METTL15: variants seen among roughly 807,000 people sequenced by gnomAD.
METTL15 encodes methyltransferase 15, mitochondrial 12S rRNA N4-cytidine.
Under a neutral mutation model 38.3 loss-of-function variants are expected in METTL15, and 34 were observed. The observed-to-expected ratio is 0.89, with a 90% confidence interval of 0.68 to 1.18. The LOEUF (loss-of-function observed/expected upper bound fraction) is 1.18. METTL15 is among the 50% of genes most tolerant of loss of function. The pLI is 0.00. For synonymous variants in METTL15, 162 were observed against 170.9 expected (o/e 0.95, Z 0.41); for missense variants, 438 against 498.4 (o/e 0.88, Z 1.15).
chr11:28,126,214 G>A (rs1440910742), intron 3 of METTL15, among the ~76,000 whole-genome samples: 1 of 151,990 alleles, frequency 6.6e-6, no homozygotes, highest in African/African-American at 2.4e-5. Flanking sequence ...GCCTTCCCTG[G>A]CCACCCTGTC....
chr11:28,186,280 A>G (rs933779329), intron 3 of METTL15, among the ~76,000 whole-genome samples: 7 of 151,304 alleles, frequency 4.6e-5, no homozygotes, highest in Admixed American at 1.3e-4. Context: ...GAATGAGAGA[A>G]TATTATAAGA....
chr11:28,259,721 C>T (rs1855122305), intron 4 of METTL15, among the ~76,000 whole-genome samples: 1 of 152,198 alleles, frequency 6.6e-6, no homozygotes, highest in Non-Finnish European at 1.5e-5. Flanking sequence ...TACCACGCCT[C>T]TACTGCAGGT....
At chr11:28,199,636 C>T (rs555279533) in intron 3 of METTL15, among the ~76,000 whole-genome samples, 3 of 152,066 alleles carry the variant, frequency 2.0e-5, no homozygotes, top group African/African-American at 7.2e-5. Flanking sequence ...GTGCCTATCT[C>T]TAATTGTGCT....
intron 3 of METTL15, among the ~76,000 whole-genome samples, chr11:28,156,246 A>G (rs2133731106): frequency 6.6e-6 from 1 of 152,304 alleles, no homozygotes; most frequent in African/African-American, 2.4e-5. Flanking sequence ...GTTGAGGAAG[A>G]AGTAGGAGTT....
chr11:28,278,959 TG>T (rs1456016939), intron 4 of METTL15, among the ~76,000 whole-genome samples: 1 of 152,154 alleles, frequency 6.6e-6, no homozygotes, highest in East Asian at 1.9e-4. Context: ...CTTGAGTAGC[TG>T]GGACCACAGG....
intron 6 of METTL15, among the ~76,000 whole-genome samples, chr11:28,461,287 T>A (rs986142660): frequency 6.6e-6 from 1 of 152,134 alleles, no homozygotes; most frequent in Non-Finnish European, 1.5e-5. Context: ...TGTATCAGTC[T>A]TCTTAGGAAA....
intron 3 of METTL15, among the ~76,000 whole-genome samples, chr11:28,115,392 G>T (rs1478331953): frequency 6.6e-6 from 1 of 151,740 alleles, no homozygotes; most frequent in Non-Finnish European, 1.5e-5. Flanking sequence ...CCGAGTAGCT[G>T]GGATTACAGG....
At chr11:28,451,461 T>G (rs1851119811) in intron 6 of METTL15, among the ~76,000 whole-genome samples, 1 of 151,880 alleles carries the variant, frequency 6.6e-6, no homozygotes, top group African/African-American at 2.4e-5. Flanking sequence ...GGCGGGCACC[T>G]GTAGTATCAG....
chr11:28,446,967 A>C (rs1851080691), intron 6 of METTL15, among the ~76,000 whole-genome samples: 1 of 152,154 alleles, frequency 6.6e-6, no homozygotes, highest in Non-Finnish European at 1.5e-5. Context: ...ATGGGATCAA[A>C]TATCTGTATT....
rs1353880038 is a variant in METTL15, at chr11:28,113,592, A to G, written c.258A>G (p.Pro86=). 1 of 1,609,450 alleles carries G rather than the reference A, an allele frequency of 6.2e-7. No individual in the cohort carries two copies. Among genetic ancestry groups the G allele is most frequent in the Admixed American group, 1.7e-5 (1 of 59,356 alleles). The stretch of plus-strand genomic sequence containing the variant: ...ATGAAGTTGTTCATTGTTTGTCACC[A>G]CAAAAAGGACAGGTGAGTTGAATTT... ...MVDEVVHCLS[P]QKGQIFLDMT... is the part of the protein sequence containing the mutation. Residue 86 remains proline, a synonymous_variant, in exon 3 of 7, where the codon CCA becomes CCG. Coordinates refer to ENST00000407364, the MANE Select transcript of METTL15 (RefSeq NM_001113528.2).
intron 4 of METTL15, among the ~76,000 whole-genome samples, chr11:28,283,102 C>G (rs1856118161): frequency 6.6e-6 from 1 of 152,068 alleles, no homozygotes; most frequent in African/African-American, 2.4e-5. Flanking sequence ...TTATTTAATA[C>G]TATTGGTTAG....
intron 6 of METTL15, among the ~76,000 whole-genome samples, chr11:28,435,746 G>C (rs1405470137): frequency 6.6e-6 from 1 of 152,112 alleles, no homozygotes; most frequent in East Asian, 1.9e-4. Flanking sequence ...TGATATAAAA[G>C]TCACACCTTT....
chr11:28,504,319 A>T (rs2133494379), intron 6 of METTL15, among the ~76,000 whole-genome samples: 1 of 152,284 alleles, frequency 6.6e-6, no homozygotes, highest in East Asian at 1.9e-4. Flanking sequence ...AACTTGAGCT[A>T]GTAGGGCTGG....
At chr11:28,204,538 T>G (rs988787927) in intron 3 of METTL15, among the ~76,000 whole-genome samples, 2 of 150,136 alleles carry the variant, frequency 1.3e-5, no homozygotes, top group African/African-American at 2.4e-5. Flanking sequence ...ACATCGATGC[T>G]TGGTAAACCA....
intron 5 of METTL15, among the ~76,000 whole-genome samples, chr11:28,408,067 A>G (rs1471494638): frequency 6.6e-6 from 1 of 152,130 alleles, no homozygotes; most frequent in African/African-American, 2.4e-5. Flanking sequence ...CAGAACACCA[A>G]ACACCACATT....
At chr11:28,372,127 C>A (rs1342098221) in intron 5 of METTL15, among the ~76,000 whole-genome samples, 1 of 151,892 alleles carries the variant, frequency 6.6e-6, no homozygotes, top group East Asian at 1.9e-4. Context: ...TGTGAATTGG[C>A]CATATATGGC....
At chr11:28,496,584 A>G (rs1170156946) in intron 6 of METTL15, among the ~76,000 whole-genome samples, 2 of 152,214 alleles carry the variant, frequency 1.3e-5, no homozygotes, top group Non-Finnish European at 2.9e-5. Flanking sequence ...TTATGGACAC[A>G]TGATCAGTGC....
chr11:28,140,786 T>C (rs987212536), intron 3 of METTL15, among the ~76,000 whole-genome samples: 2 of 152,208 alleles, frequency 1.3e-5, no homozygotes, highest in African/African-American at 2.4e-5. Context: ...GATGGGGCTG[T>C]GTTCCCTACT....
At chr11:28,471,333 A>T (rs921126722) in intron 6 of METTL15, among the ~76,000 whole-genome samples, 1 of 152,182 alleles carries the variant, frequency 6.6e-6, no homozygotes, top group Non-Finnish European at 1.5e-5. Flanking sequence ...AGGGGAAAGG[A>T]TCGCATGAAT....
Sources: gnomAD v4.1 joint callset for allele counts (sites outside exome capture counted in the v4.1 genomes callset) on GRCh38, gnomAD v4.1.1 for gene constraint, MANE v1.5 for transcripts, NCBI Gene and HGNC (gene_info 2026-07-23, HGNC 2026-07-21) for gene names.